Variants in ARHGEF1 observed in about 807,000 individuals in gnomAD.
ARHGEF1 encodes 115 kDa guanine nucleotide exchange factor.
A neutral mutation model predicts 119.7 loss-of-function variants in ARHGEF1; 40 were observed. That is an observed-to-expected ratio of 0.33 (90% CI 0.26 to 0.44). The LOEUF (loss-of-function observed/expected upper bound fraction) is 0.44, where lower values mean the gene tolerates loss of function less well. ARHGEF1 is among the 20% of genes least tolerant of loss of function. ARHGEF1 has a pLI of 1.00. For synonymous variants in ARHGEF1, 494 were observed against 521.0 expected, an observed-to-expected ratio of 0.95 and a Z score of 0.71; for missense variants, 976 against 1,268.3, an observed-to-expected ratio of 0.77 and a Z score of 3.50.
rs200492200 is a variant in ARHGEF1, at chr19:41,896,385, G to A, written c.1024G>A (p.Ala342Thr). 263 of 1,428,218 alleles carry A rather than the reference G, an allele frequency of 1.8e-4. 1 individual carries two copies. In the African/African-American group the frequency reaches 2.0e-3, roughly 11 times the overall value. The allele number at this position is 1,428,218 out of a possible 1,614,324, so 88.5% of individuals were successfully genotyped here. A position where few individuals can be genotyped will look rare whatever the true frequency, so the allele number is the denominator to read the frequency against. ...DSPDREPGAD[A>T]PLELGDSSPQ... ...CTCCCTCCACCCCACAGGTGCTGAC[G>A]CCCCCCTGGAGCTGGGGGACTCATC... Residue 342 changes from alanine (A) to threonine (T), a missense_variant, in exon 13 of 29, where the codon GCC (alanine) becomes ACC (threonine). Coordinates refer to ENST00000354532, the MANE Select transcript of ARHGEF1 (RefSeq NM_004706.4).
chr19:41,928,797 C>G (rs1375795461), intron 1 of ARHGEF1: 3 of 412,792 alleles, frequency 7.3e-6, no homozygotes, highest in African/African-American at 6.1e-5. Flanking sequence ...CCTCCTCTCC[C>G]CTTCCCTTCT....
intron 18 of ARHGEF1, among the ~76,000 whole-genome samples, chr19:41,912,601 C>T (rs1349118171): frequency 6.6e-6 from 1 of 152,230 alleles, no homozygotes; most frequent in Non-Finnish European, 1.5e-5. Flanking sequence ...CCGTCCTCAC[C>T]CCTCACTCAC....
intron 1 of ARHGEF1, among the ~76,000 whole-genome samples, chr19:41,886,486 C>T (rs2074295624): frequency 6.6e-6 from 1 of 151,550 alleles, no homozygotes; most frequent in African/African-American, 2.4e-5. Flanking sequence ...TCACTGTGTT[C>T]CCCAGGCTGG....
chr19:41,911,459 G>A (rs890516928), downstream of ARHGEF1, among the ~76,000 whole-genome samples: 12 of 152,160 alleles, frequency 7.9e-5, no homozygotes, highest in African/African-American at 2.7e-4. Flanking sequence ...GTGTGATTAC[G>A]GGCAGGTCCT....
rs1185601458 is a variant in ARHGEF1 at position 41,903,066 on chromosome 19, C to T, written c.1738+168C>T. Among the ~76,000 whole-genome samples, 1 of 152,036 alleles carries T rather than the reference C, an allele frequency of 6.6e-6. No homozygotes were observed. The highest frequency in any genetic ancestry group is 6.5e-5 in the Admixed American group (1 of 15,274). On this transcript the variant is annotated intron_variant, in intron 18 of 28. Coordinates refer to ENST00000354532, the MANE Select transcript of ARHGEF1 (RefSeq NM_004706.4). The surrounding 1 kb of genome is among the most constrained non-coding windows in gnomAD (Gnocchi z 4.2). ...CCAAGTAGCTGGGACCCCAAGGGCA[C>T]ACCACCATGCCCAGCTAATTTTTTT...
chr19:41,890,760 G>GA (rs111589384), intron 4 of ARHGEF1: 4,624 of 136,576 alleles, frequency 0.034, 238 homozygotes, highest in African/African-American at 0.11. Flanking sequence ...AGCCTAGGCG[G>GA]AAAAAAAAAA....
chr19:41,884,799 C>G (rs2074269307), intron 1 of ARHGEF1, among the ~76,000 whole-genome samples: 1 of 152,174 alleles, frequency 6.6e-6, no homozygotes, highest in Admixed American at 6.5e-5. Context: ...CCACCACGCA[C>G]CCCTATGGAA....
At chr19:41,908,114 T>C, downstream of ARHGEF1, 1 of 805,440 alleles carries the variant, frequency 1.2e-6, no homozygotes, top group Non-Finnish European at 1.7e-6. The surrounding 1 kb of genome is among the most constrained non-coding windows in gnomAD (Gnocchi z 6.7). Flanking sequence ...GGCAGCAATG[T>C]GCCCAGACCT....
At chr19:41,901,369 C>A (rs562037769) in intron 14 of ARHGEF1, among the ~76,000 whole-genome samples, 1 of 152,184 alleles carries the variant, frequency 6.6e-6, no homozygotes, top group South Asian at 2.1e-4. Context: ...CCAGGCTGGT[C>A]TTGAACTCCT....
chr19:41,895,559 A>T, intron 12 of ARHGEF1, 73 bp downstream of exon 12: 1 of 1,476,172 alleles, frequency 6.8e-7, no homozygotes, highest in Non-Finnish European at 9.0e-7. Context: ...CCCCCTTGGC[A>T]CCCCCAGATA....
At position 41,904,306 on chromosome 19, in the gene ARHGEF1, C is replaced by T. The variant is rs782573860; in HGVS notation, c.2084C>T (p.Thr695Met). 28 of 1,610,334 alleles carry T rather than the reference C, an allele frequency of 1.7e-5. 1 individual carries two copies. Among genetic ancestry groups the T allele is most frequent in the Middle Eastern group, 3.3e-4 (2 of 6,068 alleles). The change falls in exon 22 of 29, where the codon ACG becomes ATG. Residue 695 changes from threonine to methionine, a missense_variant. Coordinates refer to ENST00000354532, the MANE Select transcript of ARHGEF1 (RefSeq NM_004706.4). The surrounding 1 kb of genome is among the most constrained non-coding windows in gnomAD (Gnocchi z 8.4). ...CTCAAGTCCCATAGCCGGACACTGACGCCCACGCCCGATGGCAAGACCATG... is the reference window on the plus strand; with the variant it reads ...CTCAAGTCCCATAGCCGGACACTGATGCCCACGCCCGATGGCAAGACCATG... ...LLLKSHSRTL[T>M]PTPDGKTMLR...
chr19:41,896,639 C>G, intron 13 of ARHGEF1, 157 bp downstream of exon 13: 1 of 715,460 alleles, frequency 1.4e-6, no homozygotes, highest in Non-Finnish European at 2.5e-6. Context: ...CTCCCTTCTT[C>G]TTTCCTTTTC....
At chr19:41,899,486 TG>T (rs1444836698) in intron 14 of ARHGEF1, among the ~76,000 whole-genome samples, 3 of 149,822 alleles carry the variant, frequency 2.0e-5, no homozygotes, top group Non-Finnish European at 4.4e-5. Flanking sequence ...CTAGGGAGGC[TG>T]GTGGCAAAAA....
In ARHGEF1 at chr19:41,892,863, C is replaced by G. The variant is rs782103245; in HGVS notation, c.614+14C>G. ...GGAGGAGATGCAGTGAGTAGGCCAG[C>G]CCTGGTGGGAGCGTCGCCCCTCCCC... On this transcript the variant is annotated intron_variant, in intron 7 of 28. Transcript: ENST00000354532. The surrounding 1 kb of genome is among the most constrained non-coding windows in gnomAD (Gnocchi z 6.3). The G allele has an allele frequency of 6.0e-6, 9 of 1,500,670 alleles. No individual in the cohort carries two copies. The South Asian group carries it at 1.0e-4, about 17-fold the overall frequency. 93.0% of individuals were successfully genotyped at this position (1,500,670 alleles called of 1,614,324 possible).
chr19:41,905,971 C>A lies in ARHGEF1; in HGVS notation c.2437C>A (p.Pro813Thr). 2 of 1,614,138 alleles carry A rather than the reference C, an allele frequency of 1.2e-6. No individual in the cohort carries two copies. The highest frequency in any genetic ancestry group is 1.1e-5 in the South Asian group (1 of 91,076). Residue 813 changes from proline to threonine, a missense_variant, in exon 26 of 29, where the codon CCC (proline) becomes ACC (threonine). This residue lies in a region of ARHGEF1 where 171 missense variants were observed against 180.6 expected (regional missense o/e 0.95). Transcript: ENST00000354532. The surrounding 1 kb of genome is among the most constrained non-coding windows in gnomAD (Gnocchi z 6.4). ...CGAGAGAATCCTCAGTGACCTCCTG[C>A]CCTTCTGCAGACCAGGCCCCGAGGG... ...RTERILSDLL[P>T]FCRPGPEGQL... is the part of the protein sequence containing the mutation.
At chr19:41,885,400 A>G (rs1451627079) in intron 1 of ARHGEF1, among the ~76,000 whole-genome samples, 1 of 152,224 alleles carries the variant, frequency 6.6e-6, no homozygotes, top group Non-Finnish European at 1.5e-5. Flanking sequence ...TAGTTTCTGA[A>G]GGGTAGGGTG....
At chr19:41,891,901 G>T in intron 4 of ARHGEF1, 124 bp from the exon 5 acceptor site, 2 of 760,180 alleles carry the variant, frequency 2.6e-6, no homozygotes, top group Non-Finnish European at 4.2e-6. Context: ...GCTTCCCAGA[G>T]GAAGTGGCAG....
chr19:41,898,342 G>A (rs782256860), intron 13 of ARHGEF1, 100 bp from the exon 14 acceptor site: 6 of 1,525,456 alleles, frequency 3.9e-6, no homozygotes, highest in East Asian at 2.5e-5. Flanking sequence ...TGCGGGCATC[G>A]AATGCCAAGG....
Position 41,892,589 on chromosome 19 carries a change from G to A in ARHGEF1, c.368-14G>A. 2 of 1,573,226 alleles carry A rather than the reference G, an allele frequency of 1.3e-6. No individual in the cohort carries two copies. The highest frequency in any genetic ancestry group is 1.7e-6 in the Non-Finnish European group (2 of 1,154,258). ...CAGGGAGCTGGACCCTAGCCCCCAT[G>A]TGTGTCCCTGCAGACCGCACTAGGG... On this transcript the variant is annotated splice_polypyrimidine_tract_variant and intron_variant, in intron 6 of 28. Coordinates refer to ENST00000354532, the MANE Select transcript of ARHGEF1 (RefSeq NM_004706.4). This position sits in a 1 kb window ranked among gnomAD's most constrained non-coding sequence, Gnocchi z 6.3.
Sources: allele counts gnomAD v4.1 joint callset (sites outside exome capture counted in the v4.1 genomes callset), GRCh38; gene constraint gnomAD v4.1.1; regional missense constraint gnomAD v4.1.1; non-coding constraint Gnocchi (gnomAD v3.1); transcripts MANE v1.5; gene names NCBI Gene and HGNC (gene_info 2026-07-23, HGNC 2026-07-21).